MTIF2: variants seen among roughly 807,000 people sequenced by gnomAD.
The protein encoded by MTIF2 is mitochondrial translational initiation factor 2.
MTIF2 carries 71 observed loss-of-function variants against 83.5 expected under a neutral mutation model. That is an observed-to-expected ratio of 0.85 (90% CI 0.70 to 1.04). The LOEUF (loss-of-function observed/expected upper bound fraction) is 1.04, where lower values mean the gene tolerates loss of function less well. Among genes scored for constraint, MTIF2 ranks in the 50% least tolerant of loss-of-function variants. MTIF2 has a pLI of 0.00. For synonymous variants in MTIF2, 319 were observed against 287.1 expected (o/e 1.11, Z -1.12); for missense variants, 957 against 846.5 (o/e 1.13, Z -1.62).
intron 5 of MTIF2, among the ~76,000 whole-genome samples, chr2:55,258,979 C>A (rs531864429): frequency 1.8e-4 from 27 of 149,228 alleles, no homozygotes; most frequent in Non-Finnish European, 3.6e-4. Flanking sequence ...AAACTCTGTT[C>A]AAAAAAAAAA....
At chr2:55,242,581 G>C (rs1338549536) in intron 13 of MTIF2, among the ~76,000 whole-genome samples, 2 of 152,208 alleles carry the variant, frequency 1.3e-5, no homozygotes, top group East Asian at 3.8e-4. Flanking sequence ...GGTGATTACA[G>C]TGTTAGGAAC....
chr2:55,236,712 TC>T lies in MTIF2; in HGVS notation c.2119del (p.Asp707ThrfsTer28). On this transcript the variant is annotated frameshift_variant, in exon 16 of 16. Coordinates refer to ENST00000263629, the MANE Select transcript of MTIF2 (RefSeq NM_002453.3). LOFTEE classifies it high-confidence loss of function. ...DEDNMEFQVGDRIVCYEEKQI... is the reference protein window; with the variant it reads ...DEDNMEFQVGXRIVCYEEKQI... ...CTTTTCTTCATAACAAACAATTCTG[TC>T]TCCCACTTGAAATTCCATATTGTCT... is the stretch of plus-strand genomic sequence containing the variant. The T allele has an allele frequency of 1.2e-6, 2 of 1,609,742 alleles. No homozygotes were observed. Among genetic ancestry groups the T allele is most frequent in the Non-Finnish European group, 1.7e-6 (2 of 1,178,894 alleles).
chr2:55,262,978 T>C (rs1391373863), intron 4 of MTIF2, among the ~76,000 whole-genome samples: 1 of 152,194 alleles, frequency 6.6e-6, no homozygotes, highest in African/African-American at 2.4e-5. Context: ...CCGCCTGCCT[T>C]AGCCTCCCAA....
At position 55,246,347 on chromosome 2, in the gene MTIF2, T is replaced by A; in HGVS notation, c.1096A>T (p.Lys366Ter). The A allele has an allele frequency of 6.2e-7, 1 of 1,613,606 alleles. No individual in the cohort carries two copies. Among genetic ancestry groups the A allele is most frequent in the Non-Finnish European group, 8.5e-7 (1 of 1,179,696 alleles). ...EGTVIESFTD[K>*]GRGLVTTAII... ...TTTTAAGAGTCCTACCCTCTTCCTT[T>A]GTCTGTGAAAGACTCTATTACTGTT... The change falls in exon 10 of 16, where the codon AAA becomes TAA. Residue 366 changes from lysine to a stop codon, truncating the protein, a stop_gained. Transcript: ENST00000263629. LOFTEE classifies it high-confidence loss of function.
rs748714707 is a variant in MTIF2, at chr2:55,263,739, A to G, written c.120T>C (p.Ala40=). The G allele has an allele frequency of 3.1e-6, 5 of 1,614,190 alleles. No individual in the cohort carries two copies. Among genetic ancestry groups the G allele is most frequent in the East Asian group, 4.5e-5 (2 of 44,890 alleles). ...ACAGTTGAGCTGTCCACACAGGGTA[A>G]GCAGATGAAAACCCATGCCTCCACT... is the stretch of plus-strand genomic sequence containing the variant. ...LRQWRHGFSS[A]YPVWTAQLCA... The change falls in exon 4 of 16, where the codon GCT becomes GCC. Residue 40 remains alanine (A), a synonymous_variant. Transcript: ENST00000263629.
Position 55,243,610 on chromosome 2 carries a change from T to A in MTIF2, c.1370A>T (p.Gln457Leu). Reference sequence around the variant, plus strand: ...TTCTTCTATTATTTTCAGATCCTCCTGACCTTTCTCCTGTTCTTGTTCATA... The same window carrying A: ...TTCTTCTATTATTTTCAGATCCTCCAGACCTTTCTCCTGTTCTTGTTCATA... ...RKYEQEQEKG[Q>L]EDLKIIEEKR... The change falls in exon 12 of 16, where the codon CAG (glutamine) becomes CTG (leucine). Residue 457 changes from glutamine to leucine, a missense_variant. Gln to Leu is a moderately radical substitution (Grantham distance 113). This residue lies in a region of MTIF2 where 733 missense variants were observed against 648.7 expected (regional missense o/e 1.13). Coordinates refer to ENST00000263629, the MANE Select transcript of MTIF2 (RefSeq NM_002453.3). The A allele has an allele frequency of 1.9e-6, 3 of 1,614,102 alleles. No individual in the cohort carries two copies. In the African/African-American group the frequency reaches 4.0e-5, roughly 22 times the overall value.
At position 55,252,573 on chromosome 2, in the gene MTIF2, C is replaced by A; in HGVS notation, c.745G>T (p.Ala249Ser). Residue 249 changes from alanine to serine, a missense_variant, in exon 8 of 16, where the codon GCT (alanine) becomes TCT (serine). Transcript: ENST00000263629. Reference sequence around the variant, plus strand: ...AATACGACAATGTCAGTGACCTGAGCACCTCTGGCTCTCATTGCTGAGAAA... The same window carrying A: ...AATACGACAATGTCAGTGACCTGAGAACCTCTGGCTCTCATTGCTGAGAAA... ...AAFSAMRARGAQVTDIVVLVV... is the reference protein window; with the variant it reads ...AAFSAMRARGSQVTDIVVLVV... 6.2e-7 allele frequency: 1 copy of A among 1,614,062 alleles called. No homozygotes were observed. Among genetic ancestry groups the A allele is most frequent in the Non-Finnish European group, 8.5e-7 (1 of 1,179,910 alleles).
intron 9 of MTIF2, among the ~76,000 whole-genome samples, chr2:55,247,285 G>A (rs149552446): frequency 2.8e-4 from 43 of 152,282 alleles, no homozygotes; most frequent in African/African-American, 8.2e-4. Flanking sequence ...GGCCGGGCAC[G>A]GTGGCTCATG....
intron 9 of MTIF2, among the ~76,000 whole-genome samples, chr2:55,248,809 T>C (rs1366436293): frequency 6.6e-6 from 1 of 152,200 alleles, no homozygotes; most frequent in Non-Finnish European, 1.5e-5. Flanking sequence ...ATATAAGCAC[T>C]TTTTTGTTAA....
chr2:55,264,972 G>A (rs965968940), intron 3 of MTIF2, among the ~76,000 whole-genome samples: 20 of 152,194 alleles, frequency 1.3e-4, no homozygotes, highest in African/African-American at 4.6e-4. Flanking sequence ...GCTGGGTGTG[G>A]TGGCTCATGC....
intron 14 of MTIF2, among the ~76,000 whole-genome samples, chr2:55,237,778 G>A (rs904470337): frequency 6.7e-6 from 1 of 149,638 alleles, no homozygotes; most frequent in Non-Finnish European, 1.5e-5. Context: ...AGCCTCCCGA[G>A]TAGCTGGGAT....
At position 55,240,008 on chromosome 2, in the gene MTIF2, C is replaced by A; in HGVS notation, c.1870+3G>T. The A allele has an allele frequency of 1.2e-6, 2 of 1,600,916 alleles. No individual in the cohort carries two copies. The highest frequency in any genetic ancestry group is 1.7e-6 in the Non-Finnish European group (2 of 1,171,760). On this transcript the variant is annotated splice_donor_region_variant and intron_variant, in intron 14 of 15. Coordinates refer to ENST00000263629, the MANE Select transcript of MTIF2 (RefSeq NM_002453.3). ...TTAAAAGTAACATTCAGTGATCACT[C>A]ACCTACTGGGTGCTCTTCCACAGCA...
intron 5 of MTIF2, among the ~76,000 whole-genome samples, 195 bp downstream of exon 5, chr2:55,262,121 T>G (rs918374700): frequency 3.9e-5 from 6 of 152,110 alleles, no homozygotes; most frequent in African/African-American, 1.4e-4. Context: ...AAAAGCAAAA[T>G]CTTGGAGAAC....
chr2:55,260,326 G>A (rs1422396325), intron 5 of MTIF2, among the ~76,000 whole-genome samples: 4 of 151,484 alleles, frequency 2.6e-5, no homozygotes, highest in African/African-American at 7.3e-5. Context: ...CTTGAACCCA[G>A]GAGGCAGATG....
At position 55,239,914 on chromosome 2, in the gene MTIF2, T is replaced by C. The variant is rs1295802806; in HGVS notation, c.1870+97A>G. The C allele has an allele frequency of 6.4e-6, 7 of 1,092,024 alleles. No homozygotes were observed. In the African/African-American group the frequency reaches 9.5e-5, roughly 15 times the overall value. The allele number at this position is 1,092,024 out of a possible 1,614,324, so 67.6% of individuals were successfully genotyped here. ...TTTTCTAGAACACAGGATATATCTT[T>C]CAACATTGAAAACGTTTCCTCTAAG... is the stretch of plus-strand genomic sequence containing the variant. On this transcript the variant is annotated intron_variant, in intron 14 of 15. Coordinates refer to ENST00000263629, the MANE Select transcript of MTIF2 (RefSeq NM_002453.3).
intron 14 of MTIF2, 83 bp downstream of exon 14, chr2:55,239,928 G>C: frequency 8.3e-7 from 1 of 1,211,456 alleles, no homozygotes; most frequent in Non-Finnish European, 1.1e-6. Flanking sequence ...CATTGAAAAC[G>C]TTTCCTCTAA....
chr2:55,265,011 G>C (rs1399294904), intron 3 of MTIF2, among the ~76,000 whole-genome samples: 3 of 151,998 alleles, frequency 2.0e-5, no homozygotes, highest in Non-Finnish European at 1.5e-5. Flanking sequence ...GGGAGGCCGA[G>C]GTGGGCGGAT....
rs375567319 is a variant in MTIF2 at position 55,240,017 on chromosome 2, G to A, written c.1864C>T (p.Pro622Ser). The A allele has an allele frequency of 3.1e-6, 5 of 1,604,466 alleles. No individual in the cohort carries two copies. In the African/African-American group the frequency reaches 5.4e-5, roughly 17 times the overall value. The change falls in exon 14 of 16, where the codon CCA becomes TCA. Residue 622 changes from proline to serine, a missense_variant. By Grantham distance (74) the Pro-to-Ser change is moderately conservative. Coordinates refer to ENST00000263629, the MANE Select transcript of MTIF2 (RefSeq NM_002453.3). Reference protein sequence around the residue: ...SRLPCAVEEHPVGEASILATF... With the variant: ...SRLPCAVEEHSVGEASILATF... ...ACATTCAGTGATCACTCACCTACTG[G>A]GTGCTCTTCCACAGCACAGGGTAAT...
Position 55,263,711 on chromosome 2 carries a change from C to A in MTIF2, c.148G>T (p.Ala50Ser). 1 of 1,614,122 alleles carries A rather than the reference C, an allele frequency of 6.2e-7. No homozygotes were observed. The highest frequency in any genetic ancestry group is 1.1e-5 in the South Asian group (1 of 91,078). The change falls in exon 4 of 16, where the codon GCC becomes TCC. Residue 50 changes from alanine to serine, a missense_variant. Coordinates refer to ENST00000263629, the MANE Select transcript of MTIF2 (RefSeq NM_002453.3). The stretch of plus-strand genomic sequence containing the variant: ...AGCACATCTGTTGGCCAGGGCCAGG[C>A]ACACAGTTGAGCTGTCCACACAGGG... ...AYPVWTAQLC[A>S]WPWPTDVLTG...
Sources: allele counts gnomAD v4.1 joint callset (sites outside exome capture counted in the v4.1 genomes callset), GRCh38; gene constraint gnomAD v4.1.1; regional missense constraint gnomAD v4.1.1; transcripts MANE v1.5; gene names NCBI Gene and HGNC (gene_info 2026-07-23, HGNC 2026-07-21).